The following PDHX variants were observed in gnomAD, a reference collection of about 807,000 sequenced individuals.
PDHX encodes the protein pyruvate dehydrogenase protein X component, mitochondrial.
PDHX carries 33 observed loss-of-function variants against 55.3 expected under a neutral mutation model. The ratio of observed to expected loss-of-function variants is 0.60; its 90% CI spans 0.45 to 0.80. PDHX has a LOEUF of 0.80. Among genes scored for constraint, PDHX ranks in the 30% least tolerant of loss-of-function variants. The pLI is 0.00. For missense variants in PDHX, 622 were observed against 619.9 expected (o/e 1.00, Z -0.04); for synonymous variants, 226 against 219.4 (o/e 1.03, Z -0.27).
chr11:34,994,795 C>T, intron 10 of PDHX, 119 bp from the exon 11 acceptor site: 1 of 1,008,900 alleles, frequency 9.9e-7, no homozygotes, highest in Admixed American at 1.9e-5. Context: ...TTTCATTACT[C>T]ATATATTTTT....
intron 7 of PDHX, among the ~76,000 whole-genome samples, chr11:34,977,210 GTAATA>G (rs1855397847): frequency 6.6e-6 from 1 of 152,050 alleles, no homozygotes; most frequent in African/African-American, 2.4e-5. Flanking sequence ...TGATACTTTA[GTAATA>G]GGATAGGTTT....
chr11:34,987,646 G>A (rs1855675508), intron 9 of PDHX, among the ~76,000 whole-genome samples: 1 of 151,916 alleles, frequency 6.6e-6, no homozygotes, highest in African/African-American at 2.4e-5. Flanking sequence ...AAATATTTTA[G>A]ATAGGCTCTA....
At chr11:34,965,918 A>G (rs1855121109) in intron 5 of PDHX, among the ~76,000 whole-genome samples, 1 of 152,188 alleles carries the variant, frequency 6.6e-6, no homozygotes, top group South Asian at 2.1e-4. Flanking sequence ...TTATTTTAAG[A>G]AAATATATTG....
Position 34,970,284 on chromosome 11 carries a change from A to G in PDHX, c.962A>G (p.Lys321Arg), listed in dbSNP as rs761649691. Residue 321 changes from lysine (K) to arginine (R), a missense_variant and splice_region_variant, in exon 7 of 11, where the codon AAA (lysine) becomes AGA (arginine). Lys to Arg is a conservative substitution (Grantham distance 26). Transcript: ENST00000227868. ...TTAAAAGTTAGGCAAGATCTGGTCAAAGGTTAGTAAAATTGAATTTACTTA... is the reference window on the plus strand; with the variant it reads ...TTAAAAGTTAGGCAAGATCTGGTCAGAGGTTAGTAAAATTGAATTTACTTA... Reference protein sequence around the residue: ...AVLKVRQDLVKDDIKVSVNDF... With the variant: ...AVLKVRQDLVRDDIKVSVNDF... 2 of 1,612,734 alleles carry G rather than the reference A, an allele frequency of 1.2e-6. No homozygotes were observed. The highest frequency in any genetic ancestry group is 1.7e-6 in the Non-Finnish European group (2 of 1,178,812).
chr11:34,977,953 T>C, intron 7 of PDHX, 171 bp from the exon 8 acceptor site: 2 of 608,892 alleles, frequency 3.3e-6, no homozygotes, highest in Non-Finnish European at 6.0e-6. Context: ...GGACCTCATA[T>C]AATGCAAGTT....
chr11:34,992,672 ATAT>A (rs1473845526), intron 10 of PDHX, among the ~76,000 whole-genome samples: 2 of 152,132 alleles, frequency 1.3e-5, no homozygotes, highest in Non-Finnish European at 1.5e-5. Context: ...AATGTCTGTA[ATAT>A]TATATTGCTA....
chr11:34,966,874 C>T lies in PDHX; in HGVS notation c.816+60C>T. 5 of 1,443,554 alleles carry T rather than the reference C, an allele frequency of 3.5e-6. No individual in the cohort carries two copies. The East Asian group carries it at 1.2e-4, about 33-fold the overall frequency. 89.4% of individuals were successfully genotyped at this position (1,443,554 alleles called of 1,614,324 possible). ...CTTGTTTTTCTTTTTTTTTTTGAGACAGAGTCTTGCACTGTCACCCAGGCT... is the reference window on the plus strand; with the variant it reads ...CTTGTTTTTCTTTTTTTTTTTGAGATAGAGTCTTGCACTGTCACCCAGGCT... On this transcript the variant is annotated intron_variant, in intron 6 of 10. Transcript: ENST00000227868.
chr11:34,942,979 A>C (rs1418094266), intron 2 of PDHX, among the ~76,000 whole-genome samples: 1 of 152,212 alleles, frequency 6.6e-6, no homozygotes, highest in African/African-American at 2.4e-5. Context: ...TACAAATCAA[A>C]TGTTAGAAGC....
chr11:34,937,542 T>C lies in PDHX; in HGVS notation c.241+6058T>C, dbSNP rs578220550. On this transcript the variant is annotated intron_variant, in intron 2 of 10. Coordinates refer to ENST00000227868, the MANE Select transcript of PDHX (RefSeq NM_003477.3). ...AATATGGTAAGATTTGAAATGCATATGAGGCATTCAAGGGAAGGTGTTCAA... is the reference window on the plus strand; with the variant it reads ...AATATGGTAAGATTTGAAATGCATACGAGGCATTCAAGGGAAGGTGTTCAA... Among the ~76,000 whole-genome samples, 5 of 151,762 alleles carry C rather than the reference T, an allele frequency of 3.3e-5. No homozygotes were observed. The East Asian group carries it at 9.7e-4, about 29-fold the overall frequency.
intron 2 of PDHX, among the ~76,000 whole-genome samples, chr11:34,935,728 TTATTATGCG>T (rs1854293276): frequency 6.6e-6 from 1 of 152,180 alleles, no homozygotes; most frequent in African/African-American, 2.4e-5. Flanking sequence ...CCCACAGCCA[TTATTATGCG>T]TCATCTGGAG....
At chr11:34,916,254 A>G, upstream of PDHX, 1 of 1,612,606 alleles carries the variant, frequency 6.2e-7, no homozygotes, top group Non-Finnish European at 8.5e-7. Flanking sequence ...CGGGAACAAC[A>G]GTCTCCCTCC....
intron 9 of PDHX, among the ~76,000 whole-genome samples, chr11:34,989,886 G>C (rs1289605817): frequency 1.3e-5 from 2 of 152,144 alleles, no homozygotes. Flanking sequence ...AAGAGTGCTT[G>C]GGATACAGTA....
At chr11:34,963,235 C>G (rs1855058103) in intron 5 of PDHX, among the ~76,000 whole-genome samples, 1 of 152,094 alleles carries the variant, frequency 6.6e-6, no homozygotes, top group Admixed American at 6.6e-5. Flanking sequence ...ATAGCTGTCC[C>G]CAAAATATCT....
In PDHX at chr11:34,995,660, T is replaced by C. The variant is rs1855844841; in HGVS notation, c.*488T>C. On this transcript the variant is annotated 3_prime_UTR_variant, in exon 11 of 11. Transcript: ENST00000227868. ...AGATATACTTGAAGAATTTAATAGG[T>C]ACAGAAGTTTATTCTGGATAATAAA... 1 of 186,762 alleles carries C rather than the reference T, an allele frequency of 5.4e-6. No individual in the cohort carries two copies. Among genetic ancestry groups the C allele is most frequent in the Non-Finnish European group, 1.1e-5 (1 of 88,712 alleles). The allele number at this position is 186,762 out of a possible 1,614,324, so 11.6% of individuals were successfully genotyped here. A position where few individuals can be genotyped will look rare whatever the true frequency, so the allele number is the denominator to read the frequency against.
At chr11:34,950,291 C>CAG (rs1854725432) in intron 3 of PDHX, among the ~76,000 whole-genome samples, 1 of 151,578 alleles carries the variant, frequency 6.6e-6, no homozygotes, top group African/African-American at 2.4e-5. Flanking sequence ...TCTCAGAGCT[C>CAG]AGAGCAGTTC....
intron 8 of PDHX, among the ~76,000 whole-genome samples, chr11:34,981,773 G>C (rs1855518460): frequency 6.6e-6 from 1 of 152,162 alleles, no homozygotes. Context: ...ATTTTTTCAT[G>C]TGTCTTTTGG....
At chr11:34,926,161 C>T (rs1015260624) in intron 1 of PDHX, among the ~76,000 whole-genome samples, 2 of 152,070 alleles carry the variant, frequency 1.3e-5, no homozygotes, top group African/African-American at 4.8e-5. Context: ...ACAAACGATC[C>T]TTTAAAACAA....
At chr11:34,916,335 G>C (rs753853669), upstream of PDHX, 3 of 1,601,424 alleles carry the variant, frequency 1.9e-6, no homozygotes, top group African/African-American at 1.3e-5. Flanking sequence ...GGCTTTGCGC[G>C]CGGCGCTTAG....
chr11:34,921,678 A>C (rs1853883390), intron 1 of PDHX, among the ~76,000 whole-genome samples: 1 of 152,196 alleles, frequency 6.6e-6, no homozygotes, highest in Admixed American at 6.5e-5. Flanking sequence ...TAAGCAAAGC[A>C]CTTGTAGGCT....
Sources: allele counts gnomAD v4.1 joint callset (sites outside exome capture counted in the v4.1 genomes callset), GRCh38; gene constraint gnomAD v4.1.1; transcripts MANE v1.5; gene names NCBI Gene and HGNC (gene_info 2026-07-23, HGNC 2026-07-21).